WT1: variants seen among roughly 807,000 people sequenced by gnomAD.
The protein encoded by WT1 is WT1 transcription factor, also known as Wilms tumor protein.
A neutral mutation model predicts 60.8 loss-of-function variants in WT1; 8 were observed. The ratio of observed to expected loss-of-function variants is 0.13; its 90% CI spans 0.08 to 0.24. The LOEUF is 0.24. Ranked by LOEUF, WT1 falls within the 10% of genes least tolerant of loss-of-function variation. The pLI is 1.00. For synonymous variants in WT1, 312 were observed against 297.1 expected, an observed-to-expected ratio of 1.05 and a Z score of -0.52; for missense variants, 568 against 711.8, an observed-to-expected ratio of 0.80 and a Z score of 2.30.
At position 32,428,629 on chromosome 11, in the gene WT1, C is replaced by T. The variant is rs1554945255; in HGVS notation, c.662-10G>A. 2 of 1,611,210 alleles carry T rather than the reference C, an allele frequency of 1.2e-6. No homozygotes were observed. Among genetic ancestry groups the T allele is most frequent in the Non-Finnish European group, 8.5e-7 (1 of 1,179,752 alleles). ...GTGACCGTGCTGTAACCTGCGGGAG[C>T]GGCGGAGAGAAGCACAGTGTCAGCG... On this transcript the variant is annotated splice_polypyrimidine_tract_variant and intron_variant, in intron 1 of 9. Coordinates refer to ENST00000452863, the MANE Select transcript of WT1 (RefSeq NM_024426.6).
intron 5 of WT1, among the ~76,000 whole-genome samples, chr11:32,415,887 A>T (rs1039809511): frequency 1.3e-5 from 2 of 152,122 alleles, no homozygotes; most frequent in African/African-American, 4.8e-5. Context: ...GGATGAACCA[A>T]ATAACAGGAC....
At chr11:32,391,200 G>C (rs924648009) in intron 9 of WT1, among the ~76,000 whole-genome samples, 2 of 151,726 alleles carry the variant, frequency 1.3e-5, no homozygotes, top group African/African-American at 4.9e-5. Context: ...GCCCAGGCTA[G>C]TCTTGAACTC....
intron 1 of WT1, chr11:32,428,855 G>T (rs560672347): frequency 1.8e-5 from 11 of 610,066 alleles, no homozygotes; most frequent in Non-Finnish European, 2.9e-5. Flanking sequence ...CCCCCACCTC[G>T]CTTTTTCCCA....
chr11:32,430,855 T>TCGGACA (rs1853281878), intron 1 of WT1: 13 of 1,234,952 alleles, frequency 1.1e-5, no homozygotes, highest in African/African-American at 1.5e-5. Context: ...TAGAAGCTTA[T>TCGGACA]CGGACACGGG....
At chr11:32,425,187 A>G (rs1852989867) in intron 3 of WT1, among the ~76,000 whole-genome samples, 1 of 151,894 alleles carries the variant, frequency 6.6e-6, no homozygotes, top group African/African-American at 2.4e-5. Context: ...AAAGAAAAAA[A>G]AAAAAAAAAA....
intron 5 of WT1, 124 bp downstream of exon 5, chr11:32,416,366 G>C: frequency 8.3e-7 from 1 of 1,200,822 alleles, no homozygotes. Flanking sequence ...GGGGGAGAGA[G>C]ATTCTTCCCA....
chr11:32,407,031 A>G (rs566359367), intron 5 of WT1, among the ~76,000 whole-genome samples: 13 of 152,084 alleles, frequency 8.5e-5, no homozygotes, highest in Non-Finnish European at 1.9e-4. Context: ...TCCGGGAGGC[A>G]GAGTTTGCAG....
At chr11:32,421,132 A>G (rs911188630) in intron 3 of WT1, among the ~76,000 whole-genome samples, 1 of 152,214 alleles carries the variant, frequency 6.6e-6, no homozygotes, top group Non-Finnish European at 1.5e-5. Context: ...GGGGACAAAA[A>G]TGTGAACTGG....
intron 5 of WT1, among the ~76,000 whole-genome samples, chr11:32,411,423 T>C (rs1409029546): frequency 6.6e-6 from 1 of 152,226 alleles, no homozygotes; most frequent in African/African-American, 2.4e-5. Context: ...ATTTGCTGAA[T>C]TGAATCTCAC....
At chr11:32,425,004 C>A (rs1450040210) in intron 3 of WT1, among the ~76,000 whole-genome samples, 1 of 151,962 alleles carries the variant, frequency 6.6e-6, no homozygotes, top group East Asian at 1.9e-4. Context: ...ATGGTGAAAC[C>A]CCGTCTCTAC....
At chr11:32,394,089 G>C (rs556999069) in intron 7 of WT1, among the ~76,000 whole-genome samples, 16 of 152,098 alleles carry the variant, frequency 1.1e-4, no homozygotes, top group Non-Finnish European at 2.2e-4. Flanking sequence ...TTAGAGACAG[G>C]GTCTCACTAT....
chr11:32,399,896 T>C (rs2132955931), intron 6 of WT1, 52 bp downstream of exon 6: 1 of 1,591,140 alleles, frequency 6.3e-7, no homozygotes, highest in Non-Finnish European at 8.6e-7. Context: ...GGCCGGTAAG[T>C]AGGAAGAGGC....
At chr11:32,422,409 G>A (rs576895937) in intron 3 of WT1, among the ~76,000 whole-genome samples, 14 of 152,318 alleles carry the variant, frequency 9.2e-5, no homozygotes, top group East Asian at 5.8e-4. Flanking sequence ...CCTGGAAGCC[G>A]TTTCAGACCT....
intron 5 of WT1, among the ~76,000 whole-genome samples, chr11:32,412,019 A>G (rs2133012869): frequency 6.6e-6 from 1 of 152,306 alleles, no homozygotes; most frequent in East Asian, 1.9e-4. Context: ...TTCACTTTGC[A>G]TCTCAGGCTC....
intron 5 of WT1, among the ~76,000 whole-genome samples, chr11:32,410,853 G>A (rs926972811): frequency 2.0e-5 from 3 of 152,156 alleles, no homozygotes; most frequent in African/African-American, 2.4e-5. Context: ...CCTTGTTTCA[G>A]AGAAACACTT....
chr11:32,428,365 T>G (rs899351547), intron 2 of WT1, 132 bp downstream of exon 2: 25 of 1,467,854 alleles, frequency 1.7e-5, no homozygotes, highest in Non-Finnish European at 2.2e-5. Flanking sequence ...ACAGTGCCAT[T>G]GGGGTAATGA....
In WT1 at chr11:32,388,881, C is replaced by A; in HGVS notation, c.*177G>T. The A allele has an allele frequency of 8.6e-7, 1 of 1,162,310 alleles. No individual in the cohort carries two copies. The highest frequency in any genetic ancestry group is 1.2e-6 in the Non-Finnish European group (1 of 829,532). 72.0% of individuals were successfully genotyped at this position (1,162,310 alleles called of 1,614,324 possible). On this transcript the variant is annotated 3_prime_UTR_variant, in exon 10 of 10. Coordinates refer to ENST00000452863, the MANE Select transcript of WT1 (RefSeq NM_024426.6). Reference sequence around the variant, plus strand: ...CAACTAAAAGTAGGCAGGGCAGAGACCAACTCTTCCAGGCACACCTGGTAG... The same window carrying A: ...CAACTAAAAGTAGGCAGGGCAGAGAACAACTCTTCCAGGCACACCTGGTAG...
intron 3 of WT1, among the ~76,000 whole-genome samples, chr11:32,421,070 G>A (rs1016150070): frequency 1.3e-5 from 2 of 152,198 alleles, no homozygotes; most frequent in African/African-American, 2.4e-5. Flanking sequence ...TGGCTGGCAC[G>A]GCCTTTCAAA....
At chr11:32,416,634 T>C (rs1852682694) in intron 4 of WT1, 94 bp from the exon 5 acceptor site, 1 of 1,448,008 alleles carries the variant, frequency 6.9e-7, no homozygotes, top group South Asian at 1.1e-5. Context: ...AGCCCCTCAA[T>C]ACACAGAGAC....
Sources: allele counts gnomAD v4.1 joint callset (sites outside exome capture counted in the v4.1 genomes callset), GRCh38; gene constraint gnomAD v4.1.1; transcripts MANE v1.5; gene names NCBI Gene and HGNC (gene_info 2026-07-23, HGNC 2026-07-21).